EXD3: variants seen among roughly 807,000 people sequenced by gnomAD.
EXD3 encodes exonuclease 3'-5' domain containing 3, also known as exonuclease mut-7 homolog.
Under a neutral mutation model 98.0 loss-of-function variants are expected in EXD3, and 92 were observed. That is an observed-to-expected ratio of 0.94 (90% CI 0.79 to 1.12). The LOEUF (loss-of-function observed/expected upper bound fraction) is 1.12, where lower values mean the gene tolerates loss of function less well. Ranked by LOEUF, EXD3 falls within the 50% of genes most tolerant of loss-of-function variation. The pLI, the probability that EXD3 is intolerant of heterozygous loss-of-function variation, is 0.00. For synonymous variants in EXD3, 569 were observed against 526.0 expected, an observed-to-expected ratio of 1.08 and a Z score of -1.12; for missense variants, 1,222 against 1,191.6, an observed-to-expected ratio of 1.03 and a Z score of -0.38.
intron 19 of EXD3, among the ~76,000 whole-genome samples, chr9:137,316,190 G>A (rs1020722061): frequency 1.1e-4 from 16 of 151,858 alleles, no homozygotes; most frequent in Admixed American, 4.6e-4. Flanking sequence ...GAAAGTGGGA[G>A]GAGGGGCGGC....
chr9:137,366,989 C>G (rs1835291389), intron 6 of EXD3, among the ~76,000 whole-genome samples: 1 of 152,384 alleles, frequency 6.6e-6, no homozygotes, highest in East Asian at 1.9e-4. Flanking sequence ...CCAGCACTGC[C>G]TCCCGAGCAG....
chr9:137,361,774 A>T (rs1290373102), intron 7 of EXD3, among the ~76,000 whole-genome samples: 2 of 150,968 alleles, frequency 1.3e-5, no homozygotes, highest in African/African-American at 4.9e-5. Context: ...ATTACCAGGC[A>T]TGCAGAGAAG....
At chr9:137,319,469 C>G (rs1831906435) in intron 19 of EXD3, among the ~76,000 whole-genome samples, 1 of 152,240 alleles carries the variant, frequency 6.6e-6, no homozygotes, top group South Asian at 2.1e-4. Context: ...CCTGCTCAGG[C>G]CAAGCTCCCA....
intron 1 of EXD3, among the ~76,000 whole-genome samples, chr9:137,414,206 C>T (rs1477189024): frequency 1.3e-5 from 2 of 152,192 alleles, no homozygotes; most frequent in African/African-American, 2.4e-5. Context: ...CGTGAGCCAC[C>T]GCGCCCGGCC....
intron 3 of EXD3, chr9:137,377,087 G>A (rs1252520545): frequency 6.6e-6 from 1 of 152,158 alleles, no homozygotes; most frequent in Non-Finnish European, 1.5e-5. Flanking sequence ...GACTCTGTGA[G>A]CAGCAAGCGA....
At position 137,395,437 on chromosome 9, in the gene EXD3, C is replaced by G; in HGVS notation, c.-47-33G>C. On this transcript the variant is annotated intron_variant, in intron 1 of 21. Coordinates refer to ENST00000340951, the MANE Select transcript of EXD3 (RefSeq NM_017820.5). The surrounding 1 kb of genome is among the most constrained non-coding windows in gnomAD (Gnocchi z 6.5). ...AACAGACAATCAGGTGAATGCAGAG[C>G]CCACTGCAACAGGCAGCCATGCAGA... 1 of 1,594,058 alleles carries G rather than the reference C, an allele frequency of 6.3e-7. No individual in the cohort carries two copies. The highest frequency in any genetic ancestry group is 8.6e-7 in the Non-Finnish European group (1 of 1,164,822).
chr9:137,372,671 G>A (rs1835691329), intron 5 of EXD3, among the ~76,000 whole-genome samples: 1 of 152,218 alleles, frequency 6.6e-6, no homozygotes, highest in Admixed American at 6.5e-5. Context: ...GGAGACCCAG[G>A]CCTGGGACCA....
At chr9:137,413,040 C>A (rs940993831) in intron 1 of EXD3, among the ~76,000 whole-genome samples, 16 of 152,184 alleles carry the variant, frequency 1.1e-4, no homozygotes, top group African/African-American at 3.6e-4. Flanking sequence ...CCTCAACCTC[C>A]CTAAGTGCTG....
At position 137,356,366 on chromosome 9, in the gene EXD3, C is replaced by T. The variant is rs7389423; in HGVS notation, c.659G>A (p.Arg220Gln). 1,407,986 of 1,589,336 alleles carry T rather than the reference C, an allele frequency of 0.89. 624,421 individuals carry two copies. Among genetic ancestry groups the T allele is most frequent in the East Asian group, 1 (44,147 of 44,188 alleles). Residue 220 changes from arginine to glutamine, a missense_variant and splice_region_variant, in exon 8 of 22, where the codon CGG (arginine) becomes CAG (glutamine). Transcript: ENST00000340951. ...GCTCAAGGAGGTCACCTCAGGGTAC[C>T]GTCTGTGGGGAGAGAGAGGCACAGC... is the stretch of plus-strand genomic sequence containing the variant. ...PGFDIKDVAR[R>Q]YPEVTSLSLE...
intron 17 of EXD3, among the ~76,000 whole-genome samples, chr9:137,334,174 T>C (rs1833239557): frequency 6.6e-6 from 1 of 152,200 alleles, no homozygotes; most frequent in African/African-American, 2.4e-5. Context: ...GCTAATTTTT[T>C]GTATTTTAGT....
At chr9:137,394,022 G>A (rs1837078379) in intron 2 of EXD3, among the ~76,000 whole-genome samples, 1 of 152,194 alleles carries the variant, frequency 6.6e-6, no homozygotes, top group Admixed American at 6.5e-5. Context: ...CCTGCCAGGA[G>A]GCTTCCCGCC....
intron 5 of EXD3, among the ~76,000 whole-genome samples, chr9:137,369,954 G>A (rs759013147): frequency 3.3e-5 from 5 of 152,188 alleles, no homozygotes; most frequent in Non-Finnish European, 5.9e-5. Flanking sequence ...ACATGCAGGC[G>A]TCCTGGGGCC....
chr9:137,344,704 T>A (rs1234351638), intron 17 of EXD3, among the ~76,000 whole-genome samples: 1 of 152,226 alleles, frequency 6.6e-6, no homozygotes, highest in Non-Finnish European at 1.5e-5. Context: ...CCTTTCTGTT[T>A]AAGAGCGCTC....
At chr9:137,354,947 A>G (rs1424630468) in intron 8 of EXD3, among the ~76,000 whole-genome samples, 174 bp from the exon 9 acceptor site, 1 of 151,950 alleles carries the variant, frequency 6.6e-6, no homozygotes, top group Non-Finnish European at 1.5e-5. Context: ...GGTCCACCCC[A>G]CTCAGCCTGG....
At chr9:137,417,514 G>T (rs998217075) in intron 1 of EXD3, among the ~76,000 whole-genome samples, 3 of 152,190 alleles carry the variant, frequency 2.0e-5, no homozygotes, top group Non-Finnish European at 4.4e-5. Flanking sequence ...TCCTCGGAAA[G>T]TCGAACACAG....
chr9:137,420,739 C>CT (rs1005521536), intron 1 of EXD3, among the ~76,000 whole-genome samples: 3 of 134,890 alleles, frequency 2.2e-5, no homozygotes, highest in African/African-American at 2.9e-5. Context: ...AGACATTCAC[C>CT]CCCCCCCCCA....
rs1015212828 is a variant in EXD3 at position 137,385,199 on chromosome 9, C to T, written c.56-1822G>A. Among the ~76,000 whole-genome samples the T allele has an allele frequency of 5.9e-5, 9 of 152,218 alleles. No homozygotes were observed. The highest frequency in any genetic ancestry group is 2.9e-5 in the Non-Finnish European group (2 of 68,048). ...GCACAGGCCAGTGTTCCCGTCTGCGCTCAGAACCGTCCCACCATCGTGCAC... is the reference window on the plus strand; with the variant it reads ...GCACAGGCCAGTGTTCCCGTCTGCGTTCAGAACCGTCCCACCATCGTGCAC... On this transcript the variant is annotated intron_variant, in intron 2 of 21. Transcript: ENST00000340951. The surrounding 1 kb of genome is among the most constrained non-coding windows in gnomAD (Gnocchi z 4.4).
At chr9:137,396,748 CT>C (rs2131774485) in intron 1 of EXD3, among the ~76,000 whole-genome samples, 2 of 152,362 alleles carry the variant, frequency 1.3e-5, no homozygotes, top group Non-Finnish European at 2.9e-5. Flanking sequence ...ATGCCTTTTC[CT>C]TTCTCACGCA....
At chr9:137,421,977 A>G (rs59062576) in intron 1 of EXD3, among the ~76,000 whole-genome samples, 2,211 of 152,268 alleles carry the variant, frequency 0.015, 58 homozygotes, top group African/African-American at 0.05. Flanking sequence ...TACTTCTGAG[A>G]AAATTAAAAT....
Sources: gnomAD v4.1 joint callset for allele counts (sites outside exome capture counted in the v4.1 genomes callset) on GRCh38, gnomAD v4.1.1 for gene constraint, Gnocchi (gnomAD v3.1) non-coding constraint, MANE v1.5 for transcripts, NCBI Gene and HGNC (gene_info 2026-07-23, HGNC 2026-07-21) for gene names.